Variants in SLC7A2 observed in about 807,000 individuals in gnomAD.
The protein encoded by SLC7A2 is solute carrier family 7 member 2.
A neutral mutation model predicts 58.9 loss-of-function variants in SLC7A2; 48 were observed. The observed-to-expected ratio is 0.82, with a 90% CI of 0.65 to 1.04. The LOEUF is 1.04. Among genes scored for constraint, SLC7A2 ranks in the 50% least tolerant of loss-of-function variants. SLC7A2 has a pLI of 0.00. For synonymous variants in SLC7A2, 363 were observed against 314.5 expected (o/e 1.15, Z -1.63); for missense variants, 1,029 against 818.8 (o/e 1.26, Z -3.13).
At chr8:17,558,238 C>G in intron 8 of SLC7A2, 57 bp from the exon 9 acceptor site, 1 of 1,098,360 alleles carries the variant, frequency 9.1e-7, no homozygotes, top group Non-Finnish European at 1.4e-6. Flanking sequence ...ACGTTAGTAA[C>G]TGTATGGAAT....
At chr8:17,535,986 T>G (rs1050140703) in intron 2 of SLC7A2, among the ~76,000 whole-genome samples, 12 of 152,144 alleles carry the variant, frequency 7.9e-5, no homozygotes, top group African/African-American at 2.9e-4. Context: ...CTTCTCTGAT[T>G]CAGGAAGCTT....
intron 10 of SLC7A2, among the ~76,000 whole-genome samples, chr8:17,561,142 A>G (rs908515141): frequency 6.6e-6 from 1 of 152,202 alleles, no homozygotes; most frequent in Non-Finnish European, 1.5e-5. Context: ...GTCATTCTCT[A>G]AAACAAGGAG....
At position 17,529,536 on chromosome 8, in the gene SLC7A2, T is replaced by G. The variant is rs867772068; in HGVS notation, c.-22-13782T>G. 2.4e-3 allele frequency among the ~76,000 whole-genome samples: 365 copies of G among 151,480 alleles called. 3 individuals are homozygous for G. Among genetic ancestry groups the G allele is most frequent in the African/African-American group, 8.4e-3 (346 of 41,364 alleles). ...TGTTTTTGGTTTTGTTTTTTTGTTT[T>G]TTTTTTTTTTGAGAGATAGAGTCTT... is the stretch of plus-strand genomic sequence containing the variant. On this transcript the variant is annotated intron_variant, in intron 2 of 12. Coordinates refer to ENST00000494857, the MANE Select transcript of SLC7A2 (RefSeq NM_001370338.1).
intron 2 of SLC7A2, among the ~76,000 whole-genome samples, chr8:17,530,183 C>A (rs1036080541): frequency 7.2e-5 from 11 of 152,040 alleles, no homozygotes; most frequent in Non-Finnish European, 1.6e-4. Context: ...TCCCCCCTGC[C>A]CCCCATCCCC....
chr8:17,499,498 C>T (rs948137083), intron 1 of SLC7A2, among the ~76,000 whole-genome samples: 1 of 151,242 alleles, frequency 6.6e-6, no homozygotes, highest in Non-Finnish European at 1.5e-5. Flanking sequence ...AGAACAGAAT[C>T]TTGGGAGCAC....
intron 2 of SLC7A2, among the ~76,000 whole-genome samples, chr8:17,516,742 A>C (rs1023339657): frequency 2.0e-5 from 3 of 152,128 alleles, no homozygotes; most frequent in African/African-American, 7.2e-5. Flanking sequence ...CATCCAGTTG[A>C]CTCTTCACTG....
At position 17,543,338 on chromosome 8, in the gene SLC7A2, G is replaced by C; in HGVS notation, c.-2G>C. 1 of 1,610,320 alleles carries C rather than the reference G, an allele frequency of 6.2e-7. No individual in the cohort carries two copies. The highest frequency in any genetic ancestry group is 8.5e-7 in the Non-Finnish European group (1 of 1,178,250). ...CTCAGGTCGCCTTCGTCAGACGTCA[G>C]AATGATTCCTTGCAGAGCCGCGCTG... On this transcript the variant is annotated 5_prime_UTR_variant, in exon 3 of 13. Transcript: ENST00000494857.
At chr8:17,537,037 G>A (rs74550785) in intron 2 of SLC7A2, among the ~76,000 whole-genome samples, 1,988 of 152,270 alleles carry the variant, frequency 0.013, 44 homozygotes, top group South Asian at 0.094. Flanking sequence ...TCCTCTGAAT[G>A]AACACTGTAT....
intron 2 of SLC7A2, among the ~76,000 whole-genome samples, chr8:17,507,711 TA>T (rs1425898049): frequency 2.4e-4 from 37 of 152,338 alleles, no homozygotes; most frequent in African/African-American, 8.4e-4. Flanking sequence ...GAGTAAATTT[TA>T]AAAACTCTGT....
chr8:17,511,263 A>G (rs1563437395), intron 2 of SLC7A2: 2 of 152,198 alleles, frequency 1.3e-5, no homozygotes, highest in African/African-American at 2.4e-5. Flanking sequence ...TTAAAGTAAA[A>G]TTAAAAAAAA....
intron 2 of SLC7A2, 126 bp downstream of exon 2, chr8:17,502,428 A>G (rs887450724): frequency 2.0e-5 from 3 of 152,218 alleles, no homozygotes; most frequent in African/African-American, 7.2e-5. Context: ...TTCTGTTAGA[A>G]GGGAACACAT....
intron 6 of SLC7A2, among the ~76,000 whole-genome samples, chr8:17,550,953 G>A (rs1802420783): frequency 6.6e-6 from 1 of 152,124 alleles, no homozygotes; most frequent in Admixed American, 6.5e-5. Context: ...ACCACATTTT[G>A]AGTATTCAGT....
intron 2 of SLC7A2, among the ~76,000 whole-genome samples, chr8:17,502,599 G>A (rs1052899943): frequency 4.5e-4 from 68 of 152,146 alleles, no homozygotes; most frequent in African/African-American, 1.6e-3. Context: ...CCAGGTTCCT[G>A]GTTCTTGTGA....
In SLC7A2 at chr8:17,554,783, TTC is replaced by T. The variant is rs1554542373; in HGVS notation, c.1195+86_1195+87del. 8.5e-6 allele frequency: 12 copies of T among 1,412,422 alleles called. No homozygotes were observed. In the South Asian group the frequency reaches 1.9e-4, roughly 22 times the overall value. 87.5% of individuals were successfully genotyped at this position (1,412,422 alleles called of 1,614,324 possible). ...ATTAAAAATACAAAGCTAGGTGGTT[TTC>T]TTTTTTGATTTCCAAGAAGTTCAGT... is the stretch of plus-strand genomic sequence containing the variant. On this transcript the variant is annotated intron_variant, in intron 8 of 12. Transcript: ENST00000494857.
At chr8:17,534,680 G>A (rs1801588150) in intron 2 of SLC7A2, among the ~76,000 whole-genome samples, 1 of 130,980 alleles carries the variant, frequency 7.6e-6, no homozygotes, top group Non-Finnish European at 1.6e-5. Flanking sequence ...GAACAGGAGT[G>A]CAAGTTTCAA....
rs375699099 is a variant in SLC7A2 at position 17,564,937 on chromosome 8, C to G, written c.1781-13C>G. On this transcript the variant is annotated splice_polypyrimidine_tract_variant and intron_variant, in intron 12 of 12. Transcript: ENST00000494857. ...ACCTGAAACATTGATTTTTTTTTTTCCTGCCCCAACAGGCTTCCTGATTTA... is the reference window on the plus strand; with the variant it reads ...ACCTGAAACATTGATTTTTTTTTTTGCTGCCCCAACAGGCTTCCTGATTTA... 71 of 1,528,642 alleles carry G rather than the reference C, an allele frequency of 4.6e-5. No individual in the cohort carries two copies. In the African/African-American group the frequency reaches 9.1e-4, roughly 20 times the overall value. The allele number at this position is 1,528,642 out of a possible 1,614,324, so 94.7% of individuals were successfully genotyped here. A position where few individuals can be genotyped will look rare whatever the true frequency, so the allele number is the denominator to read the frequency against.
chr8:17,560,280 C>G (rs748641768), intron 9 of SLC7A2, 48 bp from the exon 10 acceptor site: 2 of 1,474,544 alleles, frequency 1.4e-6, no homozygotes, highest in African/African-American at 2.8e-5. Flanking sequence ...TTCACTTGGG[C>G]CAAATGTCTA....
Position 17,561,083 on chromosome 8 carries a change from T to C in SLC7A2, c.1504+550T>C, listed in dbSNP as rs993400482. 3.3e-5 allele frequency among the ~76,000 whole-genome samples: 5 copies of C among 152,208 alleles called. No homozygotes were observed. The East Asian group carries it at 9.7e-4, about 29-fold the overall frequency. On this transcript the variant is annotated intron_variant, in intron 10 of 12. Coordinates refer to ENST00000494857, the MANE Select transcript of SLC7A2 (RefSeq NM_001370338.1). ...GGAAGCACAGGCTTCTCAGAGCAAATAGGAGTTGCCCCTAGAGCAGACTTG... is the reference window on the plus strand; with the variant it reads ...GGAAGCACAGGCTTCTCAGAGCAAACAGGAGTTGCCCCTAGAGCAGACTTG...
intron 2 of SLC7A2, among the ~76,000 whole-genome samples, chr8:17,539,818 C>A (rs1035325265): frequency 6.6e-6 from 1 of 152,108 alleles, no homozygotes; most frequent in African/African-American, 2.4e-5. Context: ...CCTCCAAAAC[C>A]CCTGCATTGT....
Sources: allele counts gnomAD v4.1 joint callset (sites outside exome capture counted in the v4.1 genomes callset), GRCh38; gene constraint gnomAD v4.1.1; transcripts MANE v1.5; gene names NCBI Gene and HGNC (gene_info 2026-07-23, HGNC 2026-07-21).